Variants in ARID4B observed in about 807,000 individuals in gnomAD.
ARID4B encodes AT-rich interactive domain-containing protein 4B.
ARID4B carries 26 observed loss-of-function variants against 147.5 expected under a neutral mutation model. That is an observed-to-expected ratio of 0.18 (90% confidence interval 0.13 to 0.24). ARID4B has a LOEUF of 0.24. ARID4B is among the 10% of genes least tolerant of loss of function. The pLI is 1.00. For missense variants in ARID4B, 1,179 were observed against 1,511.5 expected, an observed-to-expected ratio of 0.78 and a Z score of 3.65; for synonymous variants, 512 against 507.9, an observed-to-expected ratio of 1.01 and a Z score of -0.11.
intron 2 of ARID4B, 174 bp downstream of exon 2, chr1:235,326,717 ACATCCTATAACTGCCTCCAACTC>A (rs1405006912): frequency 1.6e-6 from 1 of 622,012 alleles, no homozygotes; most frequent in African/African-American, 1.9e-5. Context: ...TTCAGTTGAG[ACATCCTATAACTGCCTCCAACTC>A]CACAGCAAAG....
At chr1:235,214,308 GAAGC>G (rs534810588) in intron 16 of ARID4B, among the ~76,000 whole-genome samples, 6 of 152,124 alleles carry the variant, frequency 3.9e-5, no homozygotes, top group Non-Finnish European at 7.4e-5. Context: ...CGAACAGCAA[GAAGC>G]AAGTATGGTC....
At position 235,181,525 on chromosome 1, in the gene ARID4B, C is replaced by A. The variant is rs775056681; in HGVS notation, c.3334+60G>T. 1.9e-6 allele frequency: 3 copies of A among 1,546,660 alleles called. No individual in the cohort carries two copies. In the African/African-American group the frequency reaches 4.1e-5, roughly 21 times the overall value. On this transcript the variant is annotated intron_variant, in intron 20 of 23. Coordinates refer to ENST00000264183, the MANE Select transcript of ARID4B (RefSeq NM_016374.6). ...GTTATAACAAGAGATACTGTGAAAT[C>A]ATTGAAACTTTAAGAGGGGAAACCC...
At position 235,294,420 on chromosome 1, in the gene ARID4B, CT is replaced by C. The variant is rs1672546063; in HGVS notation, c.6+32493del. Among the ~76,000 whole-genome samples, 4 of 120,236 alleles carry C rather than the reference CT, an allele frequency of 3.3e-5. No homozygotes were observed. The East Asian group carries it at 1.0e-3, about 31-fold the overall frequency. The allele number at this position is 120,236 out of a possible 152,430, so 78.9% of individuals were successfully genotyped here. On this transcript the variant is annotated intron_variant, in intron 2 of 23. Transcript: ENST00000264183. The stretch of plus-strand genomic sequence containing the variant: ...CTCCGCCTCCCGGGTTCAAGCAATT[CT>C]CCCGCTTGAACCCAGGGGTTCAAGC...
chr1:235,241,394 T>C (rs1270146618), intron 7 of ARID4B, among the ~76,000 whole-genome samples: 1 of 152,232 alleles, frequency 6.6e-6, no homozygotes, highest in African/African-American at 2.4e-5. Context: ...TTAAACATGA[T>C]TTACCTATTT....
Position 235,246,469 on chromosome 1 carries a change from T to C in ARID4B, c.397A>G (p.Thr133Ala). 1 of 1,613,852 alleles carries C rather than the reference T, an allele frequency of 6.2e-7. No homozygotes were observed. The highest frequency in any genetic ancestry group is 8.5e-7 in the Non-Finnish European group (1 of 1,179,780). The change falls in exon 7 of 24, where the codon ACT becomes GCT. Residue 133 changes from threonine to alanine, a missense_variant. Thr to Ala is a moderately conservative substitution (Grantham distance 58, BLOSUM62 0). Transcript: ENST00000264183. ...LPLTNPEHFG[T>A]PVIGKKTNRG... ...TTTGTTTTCTTTCCTATGACTGGAG[T>C]GCCAAAATGCTCAGGGTTGGTGAGT...
intron 2 of ARID4B, among the ~76,000 whole-genome samples, chr1:235,325,279 C>T (rs1675142096): frequency 6.6e-6 from 1 of 150,798 alleles, no homozygotes; most frequent in South Asian, 2.1e-4. Context: ...AAAAAGATAC[C>T]AAAAAATTTG....
At chr1:235,213,747 C>A in intron 17 of ARID4B, 22 bp downstream of exon 17, 1 of 1,594,894 alleles carries the variant, frequency 6.3e-7, no homozygotes, top group Non-Finnish European at 8.5e-7. Flanking sequence ...AGGTAATAAT[C>A]ACTAGCTAAA....
At chr1:235,209,563 G>GTTTTTTTTTTTTTTTTT (rs374681138) in intron 17 of ARID4B, among the ~76,000 whole-genome samples, 2 of 137,160 alleles carry the variant, frequency 1.5e-5, no homozygotes. Context: ...TTTGTTTTTT[G>GTTTTTTTTTTTTTTTTT]TTTTGTTTTT....
chr1:235,218,863 G>T (rs1388141221), intron 16 of ARID4B, among the ~76,000 whole-genome samples: 2 of 126,562 alleles, frequency 1.6e-5, no homozygotes, highest in Admixed American at 8.7e-5. Flanking sequence ...TACGCTAAAT[G>T]ATTTTTTTTT....
chr1:235,241,204 C>T (rs1159386216), intron 7 of ARID4B, among the ~76,000 whole-genome samples: 2 of 151,986 alleles, frequency 1.3e-5, no homozygotes, highest in East Asian at 3.9e-4. Flanking sequence ...GAATCAGCAC[C>T]AAAGAAAATG....
chr1:235,215,996 T>C (rs1667047885), intron 16 of ARID4B, among the ~76,000 whole-genome samples: 4 of 152,108 alleles, frequency 2.6e-5, no homozygotes, highest in Admixed American at 2.6e-4. Flanking sequence ...TCATTCCTAA[T>C]TAATTATACA....
At chr1:235,327,228 A>G (rs1225943688) in intron 1 of ARID4B, 1 of 294,794 alleles carries the variant, frequency 3.4e-6, no homozygotes, top group East Asian at 6.1e-5. Flanking sequence ...CAATGACGCC[A>G]TTTCTGTCAG....
chr1:235,289,870 T>C (rs766882755), intron 2 of ARID4B, among the ~76,000 whole-genome samples: 2 of 151,906 alleles, frequency 1.3e-5, no homozygotes, highest in Non-Finnish European at 2.9e-5. Context: ...ACCTACTAAA[T>C]AAAAACAATT....
At position 235,308,396 on chromosome 1, in the gene ARID4B, C is replaced by T. The variant is rs138071272; in HGVS notation, c.6+18518G>A. Among the ~76,000 whole-genome samples, 1,339 of 151,760 alleles carry T rather than the reference C, an allele frequency of 8.8e-3. 20 individuals carry two copies. Among genetic ancestry groups the T allele is most frequent in the African/African-American group, 0.031 (1,291 of 41,358 alleles). ...TGCTGGGATTACAGGCATGAGCCAC[C>T]GCTCCCAGCCTGATTTTTTCTAATT... On this transcript the variant is annotated intron_variant, in intron 2 of 23. Transcript: ENST00000264183.
chr1:235,224,016 CGTT>C (rs771842026), intron 12 of ARID4B, among the ~76,000 whole-genome samples: 9 of 152,210 alleles, frequency 5.9e-5, no homozygotes, highest in Non-Finnish European at 7.4e-5. Context: ...TTGTGTTAGG[CGTT>C]GTTATCATTT....
At chr1:235,273,642 C>T (rs193131403) in intron 2 of ARID4B, among the ~76,000 whole-genome samples, 5 of 152,142 alleles carry the variant, frequency 3.3e-5, no homozygotes, top group African/African-American at 1.2e-4. Context: ...TTTATTCTTA[C>T]GGAACTGTAC....
intron 2 of ARID4B, among the ~76,000 whole-genome samples, chr1:235,294,150 A>C (rs763104284): frequency 6.6e-6 from 1 of 152,246 alleles, no homozygotes; most frequent in Admixed American, 6.5e-5. Context: ...GACATCTAGT[A>C]CCACCTGGCC....
chr1:235,289,667 G>C (rs1672202813), intron 2 of ARID4B, among the ~76,000 whole-genome samples: 1 of 149,866 alleles, frequency 6.7e-6, no homozygotes, highest in Non-Finnish European at 1.5e-5. Context: ...CAAGGCTGCA[G>C]TAAGCCGTTA....
chr1:235,309,167 A>G lies in ARID4B; in HGVS notation c.6+17747T>C, dbSNP rs1162334445. On this transcript the variant is annotated intron_variant, in intron 2 of 23. Transcript: ENST00000264183. ...TGAGGAGCGCCTCTGCCCGGCCGTG[A>G]CCCCGTCTGGGAGGTGAGGAGCGTC... Among the ~76,000 whole-genome samples, 113 of 136,938 alleles carry G rather than the reference A, an allele frequency of 8.3e-4. 1 individual carries two copies. Among genetic ancestry groups the G allele is most frequent in the African/African-American group, 3.0e-3 (107 of 35,998 alleles). The allele number at this position is 136,938 out of a possible 152,430, so 89.8% of individuals were successfully genotyped here.
Sources: allele counts gnomAD v4.1 joint callset (sites outside exome capture counted in the v4.1 genomes callset), GRCh38; gene constraint gnomAD v4.1.1; transcripts MANE v1.5; gene names NCBI Gene and HGNC (gene_info 2026-07-23, HGNC 2026-07-21).